The following KIAA0825 variants were observed in gnomAD, a reference collection of about 807,000 sequenced individuals.
KIAA0825 encodes uncharacterized protein KIAA0825.
In KIAA0825, 119 loss-of-function variants were observed where a neutral mutation model predicts 147.6. The ratio of observed to expected loss-of-function variants is 0.81; its 90% CI spans 0.69 to 0.94. KIAA0825 has a LOEUF of 0.94. Among genes scored for constraint, KIAA0825 ranks in the 40% least tolerant of loss-of-function variants. The pLI is 0.00. For missense variants in KIAA0825, 1,381 were observed against 1,472.7 expected (o/e 0.94, Z 1.02); for synonymous variants, 470 against 518.1 (o/e 0.91, Z 1.26).
intron 5 of KIAA0825, among the ~76,000 whole-genome samples, chr5:94,514,139 A>G (rs1391657605): frequency 6.6e-6 from 1 of 152,168 alleles, no homozygotes; most frequent in Non-Finnish European, 1.5e-5. Context: ...TAATTAATTA[A>G]TAGTGAAAAG....
intron 1 of KIAA0825, among the ~76,000 whole-genome samples, chr5:94,612,933 T>C (rs1585045914): frequency 6.6e-6 from 1 of 152,184 alleles, no homozygotes; most frequent in African/African-American, 2.4e-5. Flanking sequence ...AGTATTACAT[T>C]TAATCCTAGT....
chr5:94,442,763 T>C (rs1757246462), intron 13 of KIAA0825, among the ~76,000 whole-genome samples: 1 of 152,146 alleles, frequency 6.6e-6, no homozygotes, highest in Non-Finnish European at 1.5e-5. Flanking sequence ...GAGTGCTAAC[T>C]TAAGGATCCA....
chr5:94,409,960 A>G (rs888951045), intron 15 of KIAA0825, among the ~76,000 whole-genome samples: 1 of 152,220 alleles, frequency 6.6e-6, no homozygotes, highest in Non-Finnish European at 1.5e-5. Flanking sequence ...AAATTACCAG[A>G]CAGGGAAAGA....
At chr5:94,495,161 T>C (rs753657219) in intron 5 of KIAA0825, among the ~76,000 whole-genome samples, 3 of 152,136 alleles carry the variant, frequency 2.0e-5, no homozygotes, top group African/African-American at 4.8e-5. Flanking sequence ...ATGGTGAAAA[T>C]AGCAATCCCT....
At chr5:94,201,198 G>T (rs1437103860) in intron 20 of KIAA0825, among the ~76,000 whole-genome samples, 1 of 150,168 alleles carries the variant, frequency 6.7e-6, no homozygotes, top group Non-Finnish European at 1.5e-5. Flanking sequence ...AGAAAGCAGT[G>T]GCCATCTGGG....
At chr5:94,496,247 T>C (rs1366211048) in intron 5 of KIAA0825, among the ~76,000 whole-genome samples, 1 of 152,160 alleles carries the variant, frequency 6.6e-6, no homozygotes, top group African/African-American at 2.4e-5. Flanking sequence ...CTTCATGACA[T>C]GTGAAAATTA....
chr5:94,245,271 C>T (rs923405853), intron 20 of KIAA0825, among the ~76,000 whole-genome samples: 2 of 152,146 alleles, frequency 1.3e-5, no homozygotes, highest in African/African-American at 4.8e-5. Context: ...ACAGCAGTCT[C>T]AATTATCATG....
At chr5:94,614,549 C>T (rs1358585310) in intron 1 of KIAA0825, among the ~76,000 whole-genome samples, 1 of 152,154 alleles carries the variant, frequency 6.6e-6, no homozygotes, top group East Asian at 1.9e-4. Flanking sequence ...CTTACATAGC[C>T]AAAGTGACCT....
At chr5:94,222,623 A>T (rs1214431873) in intron 20 of KIAA0825, among the ~76,000 whole-genome samples, 1 of 152,200 alleles carries the variant, frequency 6.6e-6, no homozygotes, top group African/African-American at 2.4e-5. Context: ...CACATTTGTG[A>T]CCAATGATCA....
chr5:94,310,950 T>C (rs1267687704), intron 20 of KIAA0825, among the ~76,000 whole-genome samples: 1 of 151,706 alleles, frequency 6.6e-6, no homozygotes, highest in Non-Finnish European at 1.5e-5. Context: ...AGAAGACATA[T>C]AACATCCATG....
At chr5:94,501,875 T>A (rs1765131149) in intron 5 of KIAA0825, among the ~76,000 whole-genome samples, 1 of 152,200 alleles carries the variant, frequency 6.6e-6, no homozygotes, top group African/African-American at 2.4e-5. Flanking sequence ...AGAAAAATCC[T>A]AATGTCTATA....
intron 20 of KIAA0825, among the ~76,000 whole-genome samples, chr5:94,186,699 C>T (rs546639687): frequency 1.3e-5 from 2 of 152,204 alleles, no homozygotes; most frequent in South Asian, 4.2e-4. Context: ...TGTATACACA[C>T]GAAGGAGCTA....
At chr5:94,170,125 C>T (rs1198535714) in intron 20 of KIAA0825, among the ~76,000 whole-genome samples, 1 of 152,076 alleles carries the variant, frequency 6.6e-6, no homozygotes, top group Non-Finnish European at 1.5e-5. Flanking sequence ...CGGTGAAACC[C>T]CGTCTCTACT....
intron 5 of KIAA0825, among the ~76,000 whole-genome samples, chr5:94,507,045 T>C (rs1292373599): frequency 6.6e-6 from 1 of 152,168 alleles, no homozygotes; most frequent in Non-Finnish European, 1.5e-5. Flanking sequence ...AAATAAGTGT[T>C]ATGTATAGTC....
chr5:94,489,944 T>TAGTAGCTA (rs1763536025), intron 5 of KIAA0825, among the ~76,000 whole-genome samples: 2 of 150,296 alleles, frequency 1.3e-5, no homozygotes, highest in Admixed American at 6.6e-5. Flanking sequence ...TAGAAAATCA[T>TAGTAGCTA]GGAGGACCTG....
At chr5:94,370,677 C>T (rs1039796791) in intron 20 of KIAA0825, among the ~76,000 whole-genome samples, 7 of 151,932 alleles carry the variant, frequency 4.6e-5, no homozygotes, top group African/African-American at 4.8e-5. Flanking sequence ...GAGGCCGAGG[C>T]GGGCAGATCA....
At chr5:94,285,979 G>C (rs1361009675) in intron 20 of KIAA0825, among the ~76,000 whole-genome samples, 1 of 152,078 alleles carries the variant, frequency 6.6e-6, no homozygotes, top group Non-Finnish European at 1.5e-5. Context: ...GCCAACACCA[G>C]AGAAAATCCA....
chr5:94,176,321 A>G (rs1177130207), intron 20 of KIAA0825, among the ~76,000 whole-genome samples: 2 of 152,178 alleles, frequency 1.3e-5, no homozygotes, highest in African/African-American at 4.8e-5. Flanking sequence ...GAGTGGAAGC[A>G]GCATGAGGCC....
At position 94,520,417 on chromosome 5, in the gene KIAA0825, A is replaced by T. The variant is rs775550883; in HGVS notation, c.801T>A (p.Ala267=). 1.1e-5 allele frequency: 18 copies of T among 1,612,820 alleles called. No individual in the cohort carries two copies. The highest frequency in any genetic ancestry group is 1.5e-5 in the Non-Finnish European group (18 of 1,178,996). ...TAATGAATTTCACCATTGAAGATGG[A>T]GCTAAAATTTCACATAGTGTGTTAA... The part of the protein sequence containing the change: ...EDFNTLCEIL[A]PSSMVKFIKE... Residue 267 remains alanine (A), a synonymous_variant, in exon 5 of 21, where the codon GCT becomes GCA. Coordinates refer to ENST00000682413, the MANE Select transcript of KIAA0825 (RefSeq NM_001145678.3).
Sources: allele counts gnomAD v4.1 joint callset (sites outside exome capture counted in the v4.1 genomes callset), GRCh38; gene constraint gnomAD v4.1.1; transcripts MANE v1.5; gene names NCBI Gene and HGNC (gene_info 2026-07-23, HGNC 2026-07-21).